NR6A1: variants seen among roughly 807,000 people sequenced by gnomAD.
The protein encoded by NR6A1 is retinoic acid receptor-related testis-associated receptor.
NR6A1 carries 7 observed loss-of-function variants against 59.1 expected under a neutral mutation model. The ratio of observed to expected loss-of-function variants is 0.12; its 90% CI spans 0.07 to 0.22. NR6A1 has a LOEUF of 0.22. Ranked by LOEUF, NR6A1 falls within the 10% of genes least tolerant of loss-of-function variation. The pLI is 1.00. For synonymous variants in NR6A1, 243 were observed against 236.1 expected, an observed-to-expected ratio of 1.03 and a Z score of -0.27; for missense variants, 468 against 611.6, an observed-to-expected ratio of 0.77 and a Z score of 2.48.
At chr9:124,611,774 A>AGAGAGAGAGAGAGAGAGAGAGAAT (rs148472095) in intron 2 of NR6A1, among the ~76,000 whole-genome samples, 1,577 of 105,294 alleles carry the variant, frequency 0.015, 51 homozygotes, top group Middle Eastern at 0.019. Flanking sequence ...AGAGAGAGAG[A>AGAGAGAGAGAGAGAGAGAGAGAAT]GAGAGAGAAT....
At chr9:124,764,360 T>C (rs1053054751) in intron 1 of NR6A1, among the ~76,000 whole-genome samples, 4 of 152,126 alleles carry the variant, frequency 2.6e-5, no homozygotes, top group Admixed American at 2.0e-4. Flanking sequence ...TAATCAATCA[T>C]CTCTTTTTTT....
intron 3 of NR6A1, among the ~76,000 whole-genome samples, chr9:124,548,563 G>A (rs777391753): frequency 1.3e-5 from 2 of 152,072 alleles, no homozygotes; most frequent in African/African-American, 2.4e-5. Context: ...TAAGGAACAC[G>A]AACTTTGATT....
At chr9:124,735,636 C>T (rs914108918) in intron 1 of NR6A1, among the ~76,000 whole-genome samples, 18 of 152,216 alleles carry the variant, frequency 1.2e-4, no homozygotes, top group Non-Finnish European at 2.5e-4. Context: ...AGTGGCTGAT[C>T]TCAGACCAGC....
chr9:124,567,566 AC>A (rs1398981219), intron 2 of NR6A1, among the ~76,000 whole-genome samples: 2 of 151,840 alleles, frequency 1.3e-5, no homozygotes, highest in Non-Finnish European at 2.9e-5. Context: ...GGAGTCGGAG[AC>A]CAGCCTGGGC....
At chr9:124,722,791 T>C (rs1033699926) in intron 2 of NR6A1, among the ~76,000 whole-genome samples, 1 of 152,022 alleles carries the variant, frequency 6.6e-6, no homozygotes, top group Non-Finnish European at 1.5e-5. Flanking sequence ...AATCTCTTGG[T>C]TCAGTGCAGC....
At position 124,620,908 on chromosome 9, in the gene NR6A1, T is replaced by C. The variant is rs143322128; in HGVS notation, c.143-66338A>G. 5.3e-5 allele frequency among the ~76,000 whole-genome samples: 8 copies of C among 152,330 alleles called. No homozygotes were observed. The East Asian group carries it at 1.5e-3, about 29-fold the overall frequency. On this transcript the variant is annotated intron_variant, in intron 2 of 9. Coordinates refer to ENST00000487099, the MANE Select transcript of NR6A1 (RefSeq NM_033334.4). ...CCCTTGGGAGGGGCTTTAACTTGCA[T>C]TTCTCTATTTCATCCTCCTAACTAT... is the stretch of plus-strand genomic sequence containing the variant.
chr9:124,757,132 G>A (rs937313574), intron 1 of NR6A1, among the ~76,000 whole-genome samples: 1 of 152,098 alleles, frequency 6.6e-6, no homozygotes, highest in African/African-American at 2.4e-5. Flanking sequence ...TGGCAGCCCT[G>A]GATGTTGGTA....
intron 2 of NR6A1, among the ~76,000 whole-genome samples, chr9:124,657,338 T>C (rs1225946104): frequency 6.6e-6 from 1 of 152,062 alleles, no homozygotes; most frequent in Non-Finnish European, 1.5e-5. Context: ...TCAACAACTG[T>C]GAGAAAGGCA....
chr9:124,608,478 CT>C (rs1281916531), intron 2 of NR6A1, among the ~76,000 whole-genome samples: 1 of 152,252 alleles, frequency 6.6e-6, no homozygotes, highest in South Asian at 2.1e-4. Flanking sequence ...TAATCCTATT[CT>C]TTTTTATGGC....
At chr9:124,586,023 A>G (rs1834919828) in intron 2 of NR6A1, among the ~76,000 whole-genome samples, 1 of 152,212 alleles carries the variant, frequency 6.6e-6, no homozygotes, top group African/African-American at 2.4e-5. Context: ...GTCACCCAAG[A>G]GCTCTGATGG....
intron 1 of NR6A1, among the ~76,000 whole-genome samples, chr9:124,767,727 C>T (rs982218942): frequency 1.3e-5 from 2 of 152,108 alleles, no homozygotes; most frequent in African/African-American, 2.4e-5. Context: ...ATTTGGACGG[C>T]ATGGTTATAG....
chr9:124,753,072 A>C (rs1192411411), intron 1 of NR6A1, among the ~76,000 whole-genome samples: 1 of 152,228 alleles, frequency 6.6e-6, no homozygotes, highest in East Asian at 1.9e-4. Flanking sequence ...ACCATCACCT[A>C]TGTCAGTGTT....
In NR6A1 at chr9:124,577,995, A is replaced by T. The variant is rs966739556; in HGVS notation, c.143-23425T>A. On this transcript the variant is annotated intron_variant, in intron 2 of 9. Transcript: ENST00000487099. ...GTGAAAGCACTAAGAACATTTGCTA[A>T]ATGAATGGAAGAAACTGGACAAACA... is the stretch of plus-strand genomic sequence containing the variant. Among the ~76,000 whole-genome samples the T allele has an allele frequency of 4.6e-5, 7 of 152,328 alleles. 2 individuals are homozygous for T. Among genetic ancestry groups the T allele is most frequent in the Admixed American group, 6.5e-5 (1 of 15,294 alleles).
At chr9:124,726,019 T>C (rs1463707832) in intron 2 of NR6A1, among the ~76,000 whole-genome samples, 3 of 152,192 alleles carry the variant, frequency 2.0e-5, no homozygotes, top group African/African-American at 7.2e-5. Context: ...AATGAACTTT[T>C]GATTAGTTCT....
At chr9:124,645,550 G>A (rs1014216412) in intron 2 of NR6A1, among the ~76,000 whole-genome samples, 5 of 152,166 alleles carry the variant, frequency 3.3e-5, no homozygotes, top group Non-Finnish European at 5.9e-5. Flanking sequence ...AGGAGAAAGA[G>A]GGGCATTACT....
chr9:124,625,265 C>A (rs1325950598), intron 2 of NR6A1, among the ~76,000 whole-genome samples: 4 of 152,198 alleles, frequency 2.6e-5, no homozygotes, highest in African/African-American at 7.2e-5. Context: ...ACTCTGGTAA[C>A]CTCACAAGAG....
chr9:124,647,165 C>G (rs1361317503), intron 2 of NR6A1, among the ~76,000 whole-genome samples: 1 of 152,192 alleles, frequency 6.6e-6, no homozygotes, highest in African/African-American at 2.4e-5. Context: ...GATCCTCCTA[C>G]CTTGGCCTCC....
chr9:124,683,243 G>C (rs1363325737), intron 2 of NR6A1, among the ~76,000 whole-genome samples: 1 of 134,590 alleles, frequency 7.4e-6, no homozygotes, highest in African/African-American at 3.7e-5. Flanking sequence ...AAGGGAAAAG[G>C]AAAAGGAAAA....
At chr9:124,589,416 G>C (rs756094249) in intron 2 of NR6A1, among the ~76,000 whole-genome samples, 1 of 151,974 alleles carries the variant, frequency 6.6e-6, no homozygotes, top group African/African-American at 2.4e-5. Context: ...ACTGCACTCC[G>C]GCCTGGGCGA....
Sources: allele counts gnomAD v4.1 joint callset (sites outside exome capture counted in the v4.1 genomes callset), GRCh38; gene constraint gnomAD v4.1.1; transcripts MANE v1.5; gene names NCBI Gene and HGNC (gene_info 2026-07-23, HGNC 2026-07-21).